The following CDIN1 variants were observed in gnomAD, a reference collection of about 807,000 sequenced individuals.
CDIN1 encodes CDAN1 interacting nuclease 1.
CDIN1 carries 33 observed loss-of-function variants against 45.3 expected under a neutral mutation model. That is an observed-to-expected ratio of 0.73 (90% CI 0.55 to 0.97). The LOEUF is 0.97. CDIN1 is among the 50% of genes least tolerant of loss of function. The pLI is 0.00. For synonymous variants in CDIN1, 118 were observed against 124.4 expected, an observed-to-expected ratio of 0.95 and a Z score of 0.34; for missense variants, 303 against 339.4, an observed-to-expected ratio of 0.89 and a Z score of 0.84.
At chr15:36,608,688 A>G (rs1256096510) in intron 1 of CDIN1, among the ~76,000 whole-genome samples, 1 of 152,098 alleles carries the variant, frequency 6.6e-6, no homozygotes, top group Admixed American at 6.6e-5. Context: ...AAGGTACAGA[A>G]GATAAATATA....
intron 10 of CDIN1, among the ~76,000 whole-genome samples, chr15:36,791,420 T>C (rs941384282): frequency 1.3e-5 from 2 of 152,200 alleles, no homozygotes; most frequent in African/African-American, 4.8e-5. Flanking sequence ...AATTGTAACG[T>C]CTTTAAACTT....
At chr15:36,676,958 G>A (rs2041670436) in intron 5 of CDIN1, among the ~76,000 whole-genome samples, 1 of 152,094 alleles carries the variant, frequency 6.6e-6, no homozygotes, top group South Asian at 2.1e-4. Flanking sequence ...TGCTAGTAAG[G>A]TCACTTCACA....
At position 36,579,809 on chromosome 15, in the gene CDIN1, GC is replaced by G; in HGVS notation, c.-48del. ...ATCCCTCGGCACCAAGGCTACTTGA[GC>G]CCCAGGGTGTTTTTTCCTTGTTCCC... On this transcript the variant is annotated 5_prime_UTR_variant, in exon 1 of 11. Coordinates refer to ENST00000566621, the MANE Select transcript of CDIN1 (RefSeq NM_001321759.2). The G allele has an allele frequency of 2.7e-6, 4 of 1,464,070 alleles. No individual in the cohort carries two copies. Among genetic ancestry groups the G allele is most frequent in the Non-Finnish European group, 3.8e-6 (4 of 1,064,982 alleles). 90.7% of individuals were successfully genotyped at this position (1,464,070 alleles called of 1,614,324 possible).
At chr15:36,778,800 T>C (rs1256661474) in intron 10 of CDIN1, among the ~76,000 whole-genome samples, 1 of 152,190 alleles carries the variant, frequency 6.6e-6, no homozygotes. Context: ...CACCCTACAA[T>C]TTCAGTGGTT....
intron 10 of CDIN1, among the ~76,000 whole-genome samples, chr15:36,727,347 A>AG (rs1325544242): frequency 6.6e-6 from 1 of 151,700 alleles, no homozygotes; most frequent in Non-Finnish European, 1.5e-5. Context: ...TTAAAAAAAA[A>AG]AAAAAAAGAA....
chr15:36,655,555 G>T (rs1000554414), intron 4 of CDIN1, among the ~76,000 whole-genome samples: 1 of 152,146 alleles, frequency 6.6e-6, no homozygotes, highest in Admixed American at 6.5e-5. Flanking sequence ...TTGATCTCCT[G>T]ACCTTGTGGT....
intron 10 of CDIN1, among the ~76,000 whole-genome samples, chr15:36,784,276 T>A (rs1369955081): frequency 6.6e-6 from 1 of 152,122 alleles, no homozygotes; most frequent in Non-Finnish European, 1.5e-5. Flanking sequence ...TAGCAGGGGC[T>A]CAGTAAAGAG....
At chr15:36,739,448 CAAAG>C (rs1201242426) in intron 10 of CDIN1, among the ~76,000 whole-genome samples, 1 of 148,146 alleles carries the variant, frequency 6.8e-6, no homozygotes, top group Non-Finnish European at 1.5e-5. Context: ...AAACAAAAAA[CAAAG>C]AAAAGACAGG....
chr15:36,647,087 G>T (rs114730308), intron 3 of CDIN1, among the ~76,000 whole-genome samples: 4 of 135,996 alleles, frequency 2.9e-5, no homozygotes, highest in Non-Finnish European at 6.0e-5. Context: ...GCAGTGGCAC[G>T]ATCATAACTC....
chr15:36,644,223 G>A (rs377728855), intron 1 of CDIN1, 55 bp from the exon 2 acceptor site: 24 of 1,551,078 alleles, frequency 1.5e-5, no homozygotes, highest in Admixed American at 3.4e-5. Context: ...TTTCTCTTTT[G>A]TTTCTTTGCC....
intron 10 of CDIN1, among the ~76,000 whole-genome samples, chr15:36,801,671 T>C (rs2055053254): frequency 6.6e-6 from 1 of 152,228 alleles, no homozygotes; most frequent in African/African-American, 2.4e-5. Context: ...TTCTGCCCCA[T>C]AACTTCTGAA....
chr15:36,764,902 A>G (rs2053871494), intron 10 of CDIN1, among the ~76,000 whole-genome samples: 1 of 152,170 alleles, frequency 6.6e-6, no homozygotes, highest in East Asian at 1.9e-4. Flanking sequence ...GGTAATGCCT[A>G]GGTTGCCATT....
chr15:36,789,237 T>C (rs2141081229), intron 10 of CDIN1, among the ~76,000 whole-genome samples: 1 of 152,324 alleles, frequency 6.6e-6, no homozygotes, highest in East Asian at 1.9e-4. Flanking sequence ...TTGGGTAATT[T>C]ATGTACATTT....
intron 1 of CDIN1, among the ~76,000 whole-genome samples, chr15:36,580,365 GAAAC>G (rs1283414812): frequency 2.0e-5 from 3 of 152,280 alleles, no homozygotes; most frequent in East Asian, 3.9e-4. Context: ...TTGGCCGTTG[GAAAC>G]AAACAAGGGA....
chr15:36,636,426 C>T (rs768539809), intron 1 of CDIN1, among the ~76,000 whole-genome samples: 22 of 152,140 alleles, frequency 1.4e-4, no homozygotes, highest in Admixed American at 2.0e-4. Flanking sequence ...GTGGCAGGCG[C>T]CTGTAGTCCC....
chr15:36,682,172 A>G (rs977174246), intron 5 of CDIN1, among the ~76,000 whole-genome samples: 1 of 152,034 alleles, frequency 6.6e-6, no homozygotes, highest in Non-Finnish European at 1.5e-5. Flanking sequence ...AGGAGAACTG[A>G]TAGTGTAGTC....
At chr15:36,768,808 G>T (rs2053993173) in intron 10 of CDIN1, among the ~76,000 whole-genome samples, 1 of 152,026 alleles carries the variant, frequency 6.6e-6, no homozygotes, top group African/African-American at 2.4e-5. Context: ...GCAAAGAAGA[G>T]TAAAAGAATG....
At chr15:36,640,349 A>G (rs1005190072) in intron 1 of CDIN1, among the ~76,000 whole-genome samples, 3 of 152,146 alleles carry the variant, frequency 2.0e-5, no homozygotes, top group Non-Finnish European at 4.4e-5. Flanking sequence ...CTGGTGTTCC[A>G]TTGTATTCTT....
intron 1 of CDIN1, chr15:36,613,772 G>A: frequency 6.2e-7 from 1 of 1,601,798 alleles, no homozygotes; most frequent in Admixed American, 1.7e-5. Flanking sequence ...GGCCTTAAAA[G>A]ATGAAGAAAA....
Sources: gnomAD v4.1 joint callset for allele counts (sites outside exome capture counted in the v4.1 genomes callset) on GRCh38, gnomAD v4.1.1 for gene constraint, MANE v1.5 for transcripts, NCBI Gene and HGNC (gene_info 2026-07-23, HGNC 2026-07-21) for gene names.